Variants in FRMD4A observed in about 807,000 individuals in gnomAD.
FRMD4A encodes the protein FERM domain-containing protein 4A.
In FRMD4A, 29 loss-of-function variants were observed where a neutral mutation model predicts 129.1. That is an observed-to-expected ratio of 0.22 (90% CI 0.17 to 0.31). The LOEUF (loss-of-function observed/expected upper bound fraction) is 0.31. Ranked by LOEUF, FRMD4A falls within the 10% of genes least tolerant of loss-of-function variation. The pLI, the probability that FRMD4A is intolerant of heterozygous loss-of-function variation, is 1.00. For missense variants in FRMD4A, 1,272 were observed against 1,375.8 expected, an observed-to-expected ratio of 0.92 and a Z score of 1.19; for synonymous variants, 634 against 571.6, an observed-to-expected ratio of 1.11 and a Z score of -1.56.
At chr10:13,694,944 C>A (rs2086073065) in intron 14 of FRMD4A, among the ~76,000 whole-genome samples, 1 of 152,096 alleles carries the variant, frequency 6.6e-6, no homozygotes, top group Non-Finnish European at 1.5e-5. Flanking sequence ...TGGGGTCCCA[C>A]CAACGAACGT....
chr10:13,834,537 C>T (rs1338178742), intron 3 of FRMD4A, among the ~76,000 whole-genome samples: 1 of 152,172 alleles, frequency 6.6e-6, no homozygotes, highest in African/African-American at 2.4e-5. Context: ...GTATTAATCT[C>T]TGAATAGTCA....
chr10:14,164,212 A>G (rs1219498664), intron 2 of FRMD4A, among the ~76,000 whole-genome samples: 2 of 152,182 alleles, frequency 1.3e-5, no homozygotes, highest in Non-Finnish European at 2.9e-5. Context: ...ATGAGTTTTC[A>G]TCCTGTATTT....
At chr10:13,877,097 A>G (rs1408466088) in intron 2 of FRMD4A, among the ~76,000 whole-genome samples, 1 of 152,198 alleles carries the variant, frequency 6.6e-6, no homozygotes, top group Non-Finnish European at 1.5e-5. Context: ...TCTTCTTTGT[A>G]TACTACTATA....
chr10:14,046,909 C>T (rs1040733655), intron 2 of FRMD4A, among the ~76,000 whole-genome samples: 3 of 152,124 alleles, frequency 2.0e-5, no homozygotes, highest in Non-Finnish European at 4.4e-5. Context: ...GCTGGTCCCT[C>T]CTAGGGCTGG....
At chr10:14,109,957 C>T (rs1837799001) in intron 2 of FRMD4A, among the ~76,000 whole-genome samples, 1 of 145,284 alleles carries the variant, frequency 6.9e-6, no homozygotes, top group South Asian at 2.2e-4. Context: ...GGCCACACAG[C>T]AAGACTCCGT....
chr10:14,049,347 G>A (rs955875593), intron 2 of FRMD4A, among the ~76,000 whole-genome samples: 1 of 152,118 alleles, frequency 6.6e-6, no homozygotes, highest in Non-Finnish European at 1.5e-5. Flanking sequence ...GCACTAGGTG[G>A]GGTTTTCCAA....
chr10:14,292,413 G>T (rs894120749), intron 2 of FRMD4A, among the ~76,000 whole-genome samples: 4 of 152,224 alleles, frequency 2.6e-5, no homozygotes, highest in Admixed American at 2.6e-4. Flanking sequence ...AATCAATGAT[G>T]CAGAGACATC....
intron 2 of FRMD4A, among the ~76,000 whole-genome samples, chr10:14,184,953 T>C (rs1216962466): frequency 6.6e-6 from 1 of 150,480 alleles, no homozygotes; most frequent in Non-Finnish European, 1.5e-5. Flanking sequence ...CCCTTTCATG[T>C]CTGAATTTGT....
intron 2 of FRMD4A, among the ~76,000 whole-genome samples, chr10:13,929,472 T>C (rs906320443): frequency 5.3e-5 from 8 of 152,162 alleles, no homozygotes; most frequent in African/African-American, 1.9e-4. Context: ...TAGAGCCTGG[T>C]GGGGGAGCAG....
At chr10:14,007,393 T>C (rs1379130550) in intron 2 of FRMD4A, 1 of 152,228 alleles carries the variant, frequency 6.6e-6, no homozygotes, top group Non-Finnish European at 1.5e-5. Context: ...GCCCCAAAAA[T>C]GCATCTGTTA....
Position 14,238,176 on chromosome 10 carries a change from G to C in FRMD4A, c.45+91882C>G, listed in dbSNP as rs546954863. Among the ~76,000 whole-genome samples, 16 of 152,366 alleles carry C rather than the reference G, an allele frequency of 1.1e-4. No homozygotes were observed. The South Asian group carries it at 2.9e-3, about 28-fold the overall frequency. ...GCCAAGCTACAATGGGCCAGGCACT[G>C]TACTAAGCACCTTATATGTGGGGTA... is the stretch of plus-strand genomic sequence containing the variant. On this transcript the variant is annotated intron_variant, in intron 2 of 24. Transcript: ENST00000357447.
intron 6 of FRMD4A, among the ~76,000 whole-genome samples, chr10:13,775,876 AAGTGAAG>A (rs1295088509): frequency 6.9e-6 from 1 of 145,258 alleles, no homozygotes; most frequent in Non-Finnish European, 1.5e-5. Context: ...TTTGGGAGAA[AAGTGAAG>A]GGTATGTAGT....
intron 2 of FRMD4A, among the ~76,000 whole-genome samples, chr10:13,878,859 G>T (rs920973882): frequency 3.4e-5 from 5 of 146,162 alleles, no homozygotes; most frequent in Non-Finnish European, 7.6e-5. Flanking sequence ...AAGGAACCTG[G>T]AAATGAGTCT....
At chr10:13,939,126 A>G (rs2095271354) in intron 2 of FRMD4A, among the ~76,000 whole-genome samples, 1 of 152,206 alleles carries the variant, frequency 6.6e-6, no homozygotes, top group Non-Finnish European at 1.5e-5. Flanking sequence ...GTAAGGCAAG[A>G]CCATTGAAAC....
intron 13 of FRMD4A, among the ~76,000 whole-genome samples, chr10:13,701,744 T>C (rs1021271998): frequency 4.7e-4 from 72 of 152,184 alleles, no homozygotes; most frequent in African/African-American, 1.7e-3. Flanking sequence ...TGGGATAAGA[T>C]GGGTCATTCT....
At chr10:14,232,686 T>A (rs978458719) in intron 2 of FRMD4A, among the ~76,000 whole-genome samples, 1 of 152,226 alleles carries the variant, frequency 6.6e-6, no homozygotes, top group Non-Finnish European at 1.5e-5. Flanking sequence ...TTTATTGCAA[T>A]TGTGAATGGG....
In FRMD4A at chr10:13,821,199, C is replaced by T. The variant is rs1340657153; in HGVS notation, c.112-10291G>A. ...CTGTGTGGCCAGCAGGTCTGGGCGGCGACTCCCCTCCTTGTCGCCCTGCTG... is the reference window on the plus strand; with the variant it reads ...CTGTGTGGCCAGCAGGTCTGGGCGGTGACTCCCCTCCTTGTCGCCCTGCTG... On this transcript the variant is annotated intron_variant, in intron 3 of 24. Transcript: ENST00000357447. This position sits in a 1 kb window ranked among gnomAD's most constrained non-coding sequence, Gnocchi z 4.3. 6.6e-6 allele frequency among the ~76,000 whole-genome samples: 1 copy of T among 152,102 alleles called. No individual in the cohort carries two copies. Among genetic ancestry groups the T allele is most frequent in the Non-Finnish European group, 1.5e-5 (1 of 68,002 alleles).
At chr10:14,036,872 C>T (rs554259903) in intron 2 of FRMD4A, among the ~76,000 whole-genome samples, 112 of 152,302 alleles carry the variant, frequency 7.4e-4, no homozygotes, top group Non-Finnish European at 1.4e-3. Context: ...AGGCATGCTC[C>T]ACCGTGCCCA....
intron 2 of FRMD4A, among the ~76,000 whole-genome samples, chr10:14,160,448 T>C (rs188690594): frequency 6.6e-6 from 1 of 152,182 alleles, no homozygotes; most frequent in African/African-American, 2.4e-5. Flanking sequence ...GGAACTACAT[T>C]AAGCTAAAAA....
Sources: gnomAD v4.1 joint callset for allele counts (sites outside exome capture counted in the v4.1 genomes callset) on GRCh38, gnomAD v4.1.1 for gene constraint, Gnocchi (gnomAD v3.1) non-coding constraint, MANE v1.5 for transcripts, NCBI Gene and HGNC (gene_info 2026-07-23, HGNC 2026-07-21) for gene names.